The following PMS1 variants were observed in gnomAD, a reference collection of about 807,000 sequenced individuals.
PMS1 encodes PMS1 homolog 1, mismatch repair system component.
A neutral mutation model predicts 93.1 loss-of-function variants in PMS1; 79 were observed. That is an observed-to-expected ratio of 0.85 (90% CI 0.71 to 1.02). The LOEUF is 1.02. Ranked by LOEUF, PMS1 falls within the 50% of genes least tolerant of loss-of-function variation. The probability of loss-of-function intolerance (pLI) is 0.00; values close to 1 mark genes in which losing one functional copy is unlikely to be tolerated. For missense variants in PMS1, 1,064 were observed against 1,085.3 expected, an observed-to-expected ratio of 0.98 and a Z score of 0.28; for synonymous variants, 335 against 363.4, an observed-to-expected ratio of 0.92 and a Z score of 0.89.
chr2:189,809,447 CTTTTTTTTTTTTTT>C (rs972672920), intron 4 of PMS1, among the ~76,000 whole-genome samples: 30 of 63,458 alleles, frequency 4.7e-4, no homozygotes, highest in Middle Eastern at 0.026. Context: ...AAGCACATTT[CTTTTTTTTTTTTTT>C]TTTTTTTTTT....
intron 12 of PMS1, among the ~76,000 whole-genome samples, chr2:189,876,569 C>G (rs2057584300): frequency 6.6e-6 from 1 of 152,024 alleles, no homozygotes; most frequent in African/African-American, 2.4e-5. Context: ...GCGTGAGATG[C>G]TTTTCTTTGC....
intron 5 of PMS1, among the ~76,000 whole-genome samples, chr2:189,832,771 A>G (rs2053065103): frequency 6.6e-6 from 1 of 152,222 alleles, no homozygotes; most frequent in Non-Finnish European, 1.5e-5. Flanking sequence ...GAGGCAGAGA[A>G]GAGAGCTTCA....
chr2:189,800,924 A>G (rs1233881041), intron 3 of PMS1, among the ~76,000 whole-genome samples: 1 of 152,226 alleles, frequency 6.6e-6, no homozygotes, highest in African/African-American at 2.4e-5. Context: ...CTTTATTTAT[A>G]TACTTGAATG....
chr2:189,790,844 T>A (rs2048800484), intron 1 of PMS1, among the ~76,000 whole-genome samples: 2 of 152,162 alleles, frequency 1.3e-5, no homozygotes. Context: ...TGATAGGATT[T>A]AGGAGTTGAT....
chr2:189,861,556 C>G (rs2056002871), intron 9 of PMS1, among the ~76,000 whole-genome samples: 2 of 151,976 alleles, frequency 1.3e-5, no homozygotes, highest in South Asian at 2.1e-4. Context: ...TTGAGACCAG[C>G]CTGGCCAACA....
chr2:189,815,581 C>T (rs1255627385), intron 4 of PMS1, among the ~76,000 whole-genome samples: 11 of 152,174 alleles, frequency 7.2e-5, no homozygotes, highest in African/African-American at 2.4e-4. Flanking sequence ...CTTCCCCTTC[C>T]GCCATGAATG....
intron 1 of PMS1, among the ~76,000 whole-genome samples, chr2:189,787,047 T>G (rs183099704): frequency 2.0e-5 from 3 of 152,200 alleles, no homozygotes; most frequent in East Asian, 3.9e-4. Context: ...GAGCGAAACC[T>G]GAAACTCTGT....
At position 189,855,071 on chromosome 2, in the gene PMS1, A is replaced by G. The variant is rs745326955; in HGVS notation, c.1799A>G (p.Asp600Gly). 6.2e-7 allele frequency: 1 copy of G among 1,613,340 alleles called. No homozygotes were observed. The highest frequency in any genetic ancestry group is 1.7e-5 in the Admixed American group (1 of 59,998). ...LIENPKTSLE[D>G]ATLQIEELWK... The stretch of plus-strand genomic sequence containing the variant: ...GAAAATCCTAAGACTAGTTTAGAGG[A>G]TGCAACACTACAAATTGAAGAACTG... Residue 600 changes from aspartate (D) to glycine (G), a missense_variant, in exon 9 of 13, where the codon GAT becomes GGT. Transcript: ENST00000441310.
chr2:189,809,730 A>G (rs896462204), intron 4 of PMS1, among the ~76,000 whole-genome samples: 6 of 151,842 alleles, frequency 4.0e-5, no homozygotes, highest in African/African-American at 1.5e-4. Flanking sequence ...CTGTAATCCC[A>G]CTGAGGCAGG....
In PMS1 at chr2:189,868,405, G is replaced by A. The variant is rs528930510; in HGVS notation, c.2473+476G>A. ...GGTTCCATGGCTTTGGTAAAAGACT[G>A]ATAACCCTCTTTGCTCAGTATGGAA... On this transcript the variant is annotated intron_variant, in intron 11 of 12. Coordinates refer to ENST00000441310, the MANE Select transcript of PMS1 (RefSeq NM_000534.5). Among the ~76,000 whole-genome samples the A allele has an allele frequency of 2.0e-5, 3 of 152,306 alleles. No individual in the cohort carries two copies. In the South Asian group the frequency reaches 6.2e-4, roughly 32 times the overall value.
chr2:189,828,803 C>T (rs904180898), intron 5 of PMS1, among the ~76,000 whole-genome samples: 1 of 148,818 alleles, frequency 6.7e-6, no homozygotes, highest in Non-Finnish European at 1.5e-5. Context: ...AGTTAGAAAG[C>T]ATGTTCTAAA....
intron 4 of PMS1, among the ~76,000 whole-genome samples, chr2:189,812,473 C>T (rs1167616741): frequency 1.3e-5 from 2 of 152,114 alleles, no homozygotes; most frequent in Admixed American, 6.5e-5. Context: ...AATGATTCTA[C>T]ATGGCAACCT....
intron 5 of PMS1, among the ~76,000 whole-genome samples, chr2:189,838,953 A>G (rs1468556069): frequency 1.3e-5 from 2 of 152,082 alleles, no homozygotes; most frequent in African/African-American, 4.8e-5. Flanking sequence ...GTCTTTCGTA[A>G]AAGCTGAGAG....
At chr2:189,787,051 ACT>A (rs1395212120) in intron 1 of PMS1, among the ~76,000 whole-genome samples, 2 of 152,046 alleles carry the variant, frequency 1.3e-5, no homozygotes, top group African/African-American at 4.8e-5. Flanking sequence ...GAAACCTGAA[ACT>A]CTGTCTCAAA....
rs568907944 is a variant in PMS1, at chr2:189,817,502, T to A, written c.419-515T>A. On this transcript the variant is annotated intron_variant, in intron 4 of 12. Coordinates refer to ENST00000441310, the MANE Select transcript of PMS1 (RefSeq NM_000534.5). ...TATAATTTTTGCACCTTTATTCAGC[T>A]TTCCAGTTAAACTATAAGTTAAAAA... Among the ~76,000 whole-genome samples the A allele has an allele frequency of 2.6e-5, 4 of 152,330 alleles. No individual in the cohort carries two copies. The South Asian group carries it at 8.3e-4, about 32-fold the overall frequency.
Position 189,819,333 on chromosome 2 carries a change from G to C in PMS1, c.582+1153G>C, listed in dbSNP as rs574091248. 9.9e-5 allele frequency among the ~76,000 whole-genome samples: 15 copies of C among 152,270 alleles called. No homozygotes were observed. The East Asian group carries it at 2.1e-3, about 22-fold the overall frequency. On this transcript the variant is annotated intron_variant, in intron 5 of 12. Transcript: ENST00000441310. ...CTGTATCTTTACTATTGTGAATAAT[G>C]CTGTGATAAACATATGAGCACAGGC...
At chr2:189,807,328 A>C (rs928464806) in intron 4 of PMS1, among the ~76,000 whole-genome samples, 1 of 152,146 alleles carries the variant, frequency 6.6e-6, no homozygotes, top group African/African-American at 2.4e-5. Flanking sequence ...CAAATATTAT[A>C]TATGTTTTAA....
chr2:189,826,235 C>T (rs2052415892), intron 5 of PMS1, among the ~76,000 whole-genome samples: 1 of 152,122 alleles, frequency 6.6e-6, no homozygotes, highest in Non-Finnish European at 1.5e-5. Context: ...GCAATCCCAG[C>T]CAGGAATGTG....
At position 189,854,517 on chromosome 2, in the gene PMS1, CTT is replaced by C. The variant is rs2055112923; in HGVS notation, c.1247_1248del (p.Phe416TrpfsTer6). The stretch of plus-strand genomic sequence containing the variant: ...TAAATCACCAGATAAGTATTGGTGA[CTT>C]TGGTTATGGTCATTGTAGTAGTGAA... Reference protein sequence around the residue: ...CLNHQISIGDFGYGHCSSEIS... With the variant: ...CLNHQISIGDXGYGHCSSEIS... On this transcript the variant is annotated frameshift_variant, in exon 9 of 13. Transcript: ENST00000441310. LOFTEE classifies it high-confidence loss of function. The C allele has an allele frequency of 6.2e-7, 1 of 1,613,372 alleles. No homozygotes were observed. The highest frequency in any genetic ancestry group is 8.5e-7 in the Non-Finnish European group (1 of 1,179,594).
Sources: gnomAD v4.1 joint callset for allele counts (sites outside exome capture counted in the v4.1 genomes callset) on GRCh38, gnomAD v4.1.1 for gene constraint, MANE v1.5 for transcripts, NCBI Gene and HGNC (gene_info 2026-07-23, HGNC 2026-07-21) for gene names.